The following GPC5 variants were observed in gnomAD, a reference collection of about 807,000 sequenced individuals.
The protein encoded by GPC5 is glypican-5.
GPC5 carries 47 observed loss-of-function variants against 53.9 expected under a neutral mutation model. That is an observed-to-expected ratio of 0.87 (90% CI 0.69 to 1.11). The LOEUF is 1.11. Ranked by LOEUF, GPC5 falls within the 50% of genes most tolerant of loss-of-function variation. The pLI is 0.00. For missense variants in GPC5, 748 were observed against 713.1 expected (o/e 1.05, Z -0.56); for synonymous variants, 286 against 263.3 (o/e 1.09, Z -0.84).
intron 7 of GPC5, among the ~76,000 whole-genome samples, chr13:92,633,911 A>C (rs1330595080): frequency 6.6e-6 from 1 of 152,080 alleles, no homozygotes; most frequent in African/African-American, 2.4e-5. Flanking sequence ...TTTTGTGTAC[A>C]TGGGTTGCAT....
intron 2 of GPC5, among the ~76,000 whole-genome samples, chr13:91,540,889 GA>G (rs541331419): frequency 1.4e-5 from 2 of 145,778 alleles, no homozygotes; most frequent in South Asian, 2.1e-4. Context: ...AAGACATACA[GA>G]AAAAAAAAAC....
intron 7 of GPC5, among the ~76,000 whole-genome samples, chr13:92,852,989 T>G (rs1189304610): frequency 6.6e-6 from 1 of 152,158 alleles, no homozygotes; most frequent in Non-Finnish European, 1.5e-5. Flanking sequence ...GTCTAACAAT[T>G]GCTGAGCTCC....
intron 7 of GPC5, among the ~76,000 whole-genome samples, chr13:92,231,847 T>C (rs892225658): frequency 2.0e-5 from 3 of 152,088 alleles, no homozygotes; most frequent in Non-Finnish European, 4.4e-5. Context: ...GCAGCTGTAA[T>C]CCCAGCTGCT....
intron 6 of GPC5, among the ~76,000 whole-genome samples, chr13:91,950,909 A>T (rs2040020431): frequency 6.6e-6 from 1 of 152,150 alleles, no homozygotes; most frequent in Admixed American, 6.5e-5. Flanking sequence ...GAACCCAGGG[A>T]CTATGGCTAC....
At chr13:91,880,404 A>T (rs2138948220) in intron 5 of GPC5, among the ~76,000 whole-genome samples, 1 of 151,956 alleles carries the variant, frequency 6.6e-6, no homozygotes, top group South Asian at 2.1e-4. Context: ...ATAAATTTTT[A>T]CTGTTTTTGT....
At chr13:92,466,345 T>C (rs953362825) in intron 7 of GPC5, among the ~76,000 whole-genome samples, 2 of 151,994 alleles carry the variant, frequency 1.3e-5, no homozygotes, top group African/African-American at 4.8e-5. Flanking sequence ...GATAACAAAA[T>C]TATGGATCAC....
chr13:92,636,479 G>A (rs1436194727), intron 7 of GPC5, among the ~76,000 whole-genome samples: 1 of 152,046 alleles, frequency 6.6e-6, no homozygotes, highest in African/African-American at 2.4e-5. Context: ...AAATATAACT[G>A]CCTTTAGCAG....
At chr13:92,170,022 A>G (rs544515519) in intron 7 of GPC5, among the ~76,000 whole-genome samples, 98 of 152,166 alleles carry the variant, frequency 6.4e-4, no homozygotes, top group African/African-American at 2.2e-3. Context: ...AATAAACAGG[A>G]GAAATTTTAC....
intron 5 of GPC5, among the ~76,000 whole-genome samples, chr13:91,868,308 G>A (rs535035008): frequency 6.6e-6 from 1 of 152,114 alleles, no homozygotes; most frequent in African/African-American, 2.4e-5. Flanking sequence ...ATGACCATAT[G>A]GTTGGACAAC....
intron 4 of GPC5, among the ~76,000 whole-genome samples, chr13:91,730,839 C>T (rs900657053): frequency 6.6e-6 from 1 of 152,094 alleles, no homozygotes; most frequent in Non-Finnish European, 1.5e-5. Context: ...TTTAGGTTAT[C>T]TTAGGTGCAG....
chr13:91,926,560 A>G (rs1408687019), intron 6 of GPC5, among the ~76,000 whole-genome samples: 1 of 152,088 alleles, frequency 6.6e-6, no homozygotes, highest in Non-Finnish European at 1.5e-5. Flanking sequence ...TACTTGAAGC[A>G]TGTTATTGTT....
chr13:91,597,097 T>C (rs974504440), intron 2 of GPC5, among the ~76,000 whole-genome samples: 1 of 152,158 alleles, frequency 6.6e-6, no homozygotes, highest in Non-Finnish European at 1.5e-5. Flanking sequence ...ACTTGGGTAA[T>C]TGTAAGACTC....
chr13:91,807,777 A>G (rs1279258525), intron 5 of GPC5, among the ~76,000 whole-genome samples: 1 of 152,180 alleles, frequency 6.6e-6, no homozygotes, highest in Admixed American at 6.5e-5. Flanking sequence ...TGGAAGATCA[A>G]TCATGTCAAG....
At chr13:92,452,569 C>CAA (rs146288892) in intron 7 of GPC5, among the ~76,000 whole-genome samples, 31 of 130,306 alleles carry the variant, frequency 2.4e-4, no homozygotes, top group East Asian at 2.0e-3. Flanking sequence ...ATGATTACTC[C>CAA]AAAAAAAACA....
intron 7 of GPC5, among the ~76,000 whole-genome samples, chr13:92,358,615 G>A (rs1401135889): frequency 6.6e-6 from 1 of 151,770 alleles, no homozygotes; most frequent in Non-Finnish European, 1.5e-5. Flanking sequence ...AAATCTAGGT[G>A]GAGGATCCCA....
Position 91,863,118 on chromosome 13 carries a change from C to A in GPC5, c.1281-44819C>A, listed in dbSNP as rs528139457. Among the ~76,000 whole-genome samples, 4 of 150,160 alleles carry A rather than the reference C, an allele frequency of 2.7e-5. No homozygotes were observed. In the Admixed American group the frequency reaches 2.7e-4, roughly 10 times the overall value. ...TCCTTTCCTTCTGTTTTGAATGCCTCCATTTAGGTTTTCTGAGATTTCCTT... is the reference window on the plus strand; with the variant it reads ...TCCTTTCCTTCTGTTTTGAATGCCTACATTTAGGTTTTCTGAGATTTCCTT... On this transcript the variant is annotated intron_variant, in intron 5 of 7. Transcript: ENST00000377067.
At chr13:92,418,804 A>G (rs993635478) in intron 7 of GPC5, among the ~76,000 whole-genome samples, 4 of 152,176 alleles carry the variant, frequency 2.6e-5, no homozygotes, top group African/African-American at 7.2e-5. Flanking sequence ...GAACAGGAAG[A>G]AAGGGGAGTT....
intron 2 of GPC5, among the ~76,000 whole-genome samples, chr13:91,513,274 A>T (rs1207202259): frequency 6.6e-6 from 1 of 152,190 alleles, no homozygotes; most frequent in South Asian, 2.1e-4. Flanking sequence ...TATGATTGTA[A>T]TAAATATCAC....
At chr13:92,775,954 T>A (rs1000289267) in intron 7 of GPC5, among the ~76,000 whole-genome samples, 1 of 152,358 alleles carries the variant, frequency 6.6e-6, no homozygotes, top group African/African-American at 2.4e-5. Context: ...TTTATGACTC[T>A]CTTAGAGAAA....
Sources: allele counts gnomAD v4.1 joint callset (sites outside exome capture counted in the v4.1 genomes callset), GRCh38; gene constraint gnomAD v4.1.1; transcripts MANE v1.5; gene names NCBI Gene and HGNC (gene_info 2026-07-23, HGNC 2026-07-21).